CCDC85A: variants seen among roughly 807,000 people sequenced by gnomAD.
The protein encoded by CCDC85A is coiled-coil domain-containing protein 85A.
In CCDC85A, 38 loss-of-function variants were observed where a neutral mutation model predicts 50.2. That is an observed-to-expected ratio of 0.76 (90% confidence interval 0.58 to 0.99). CCDC85A has a LOEUF of 0.99. CCDC85A is among the 50% of genes least tolerant of loss of function. The pLI, the probability that CCDC85A is intolerant of heterozygous loss-of-function variation, is 0.00. For missense variants in CCDC85A, 820 were observed against 742.0 expected (o/e 1.11, Z -1.22); for synonymous variants, 366 against 301.4 (o/e 1.21, Z -2.22).
At chr2:56,310,800 G>A (rs970790781) in intron 2 of CCDC85A, among the ~76,000 whole-genome samples, 3 of 152,270 alleles carry the variant, frequency 2.0e-5, no homozygotes, top group African/African-American at 4.8e-5. Context: ...AACTGCACGT[G>A]CTTTTCAGAA....
At chr2:56,251,428 C>A (rs556033533) in intron 2 of CCDC85A, among the ~76,000 whole-genome samples, 2 of 152,144 alleles carry the variant, frequency 1.3e-5, no homozygotes, top group Non-Finnish European at 2.9e-5. Context: ...AGTGGCCTTG[C>A]CAGTTTGGTT....
intron 2 of CCDC85A, among the ~76,000 whole-genome samples, chr2:56,277,004 T>A (rs1670978458): frequency 6.6e-6 from 1 of 152,148 alleles, no homozygotes; most frequent in Admixed American, 6.5e-5. Context: ...AGTCTCCCAA[T>A]CCTCCAAGAA....
chr2:56,222,686 C>T (rs1458029164), intron 2 of CCDC85A, among the ~76,000 whole-genome samples: 1 of 152,072 alleles, frequency 6.6e-6, no homozygotes, highest in African/African-American at 2.4e-5. Flanking sequence ...CACGTTTTCC[C>T]ACCCGTTGAT....
intron 2 of CCDC85A, among the ~76,000 whole-genome samples, chr2:56,251,646 A>G (rs1669761170): frequency 6.7e-6 from 1 of 150,322 alleles, no homozygotes; most frequent in African/African-American, 2.5e-5. Context: ...CTTCTTCTTT[A>G]CCTGCTCTGC....
chr2:56,247,924 A>G (rs912243066), intron 2 of CCDC85A, among the ~76,000 whole-genome samples: 1 of 152,222 alleles, frequency 6.6e-6, no homozygotes, highest in Admixed American at 6.5e-5. Context: ...GAGAGGCCCA[A>G]GCCATTCAGA....
chr2:56,194,660 G>A (rs1269493100), intron 2 of CCDC85A, among the ~76,000 whole-genome samples: 1 of 152,150 alleles, frequency 6.6e-6, no homozygotes, highest in African/African-American at 2.4e-5. Context: ...CCAGAAACTT[G>A]ACTTCAAATG....
chr2:56,302,562 G>A (rs1454234893), intron 2 of CCDC85A, among the ~76,000 whole-genome samples: 1 of 152,178 alleles, frequency 6.6e-6, no homozygotes, highest in African/African-American at 2.4e-5. Context: ...ATTATAGGAG[G>A]AAAACCATTT....
At chr2:56,330,964 A>T (rs1052818567) in intron 2 of CCDC85A, among the ~76,000 whole-genome samples, 3 of 152,124 alleles carry the variant, frequency 2.0e-5, no homozygotes, top group East Asian at 3.9e-4. Context: ...ATAGATATGG[A>T]ATCAACCTAA....
intron 2 of CCDC85A, among the ~76,000 whole-genome samples, chr2:56,287,449 C>A (rs899975291): frequency 6.6e-6 from 1 of 152,194 alleles, no homozygotes; most frequent in Non-Finnish European, 1.5e-5. Context: ...CTTCTCTCAA[C>A]AATTACTATC....
At chr2:56,211,687 A>T (rs1677184070) in intron 2 of CCDC85A, among the ~76,000 whole-genome samples, 1 of 152,004 alleles carries the variant, frequency 6.6e-6, no homozygotes, top group Non-Finnish European at 1.5e-5. Flanking sequence ...ACTCTTCCTT[A>T]TCCATCATCC....
intron 2 of CCDC85A, among the ~76,000 whole-genome samples, chr2:56,198,000 C>G (rs1676595718): frequency 6.8e-6 from 1 of 147,852 alleles, no homozygotes; most frequent in Non-Finnish European, 1.5e-5. Context: ...GTATTTCCCA[C>G]AAGAGAATAT....
In CCDC85A at chr2:56,286,004, T is replaced by TC. The variant is rs541728836; in HGVS notation, c.1241-56868dup. On this transcript the variant is annotated intron_variant, in intron 2 of 5. Transcript: ENST00000407595. ...TGGGTATAGAATTTTGGGTTGACAG[T>TC]CCCCCCCACCCCGACCCCCAACAAT... is the stretch of plus-strand genomic sequence containing the variant. 3.8e-3 allele frequency among the ~76,000 whole-genome samples: 576 copies of TC among 151,730 alleles called. 5 individuals carry two copies. In the South Asian group the frequency reaches 0.053, roughly 14 times the overall value.
chr2:56,323,528 A>G (rs762218828), intron 2 of CCDC85A, among the ~76,000 whole-genome samples: 2 of 152,024 alleles, frequency 1.3e-5, no homozygotes, highest in Non-Finnish European at 2.9e-5. Context: ...GGTTTGAGAA[A>G]GTTCCAAATG....
intron 3 of CCDC85A, among the ~76,000 whole-genome samples, chr2:56,347,914 G>T (rs1674710091): frequency 6.6e-6 from 1 of 152,020 alleles, no homozygotes; most frequent in South Asian, 2.1e-4. Flanking sequence ...TGTGCAGTGA[G>T]GCCTATTCAA....
At chr2:56,270,469 A>G (rs764909455) in intron 2 of CCDC85A, among the ~76,000 whole-genome samples, 1 of 152,202 alleles carries the variant, frequency 6.6e-6, no homozygotes, top group African/African-American at 2.4e-5. Context: ...TCACATTTTC[A>G]TTTAAACACC....
intron 2 of CCDC85A, among the ~76,000 whole-genome samples, chr2:56,244,028 C>T (rs1261659607): frequency 6.6e-6 from 1 of 152,172 alleles, no homozygotes; most frequent in African/African-American, 2.4e-5. Context: ...CTAAAGCCAG[C>T]ACAGTACTGG....
At chr2:56,325,427 A>T (rs577096223) in intron 2 of CCDC85A, among the ~76,000 whole-genome samples, 1 of 152,268 alleles carries the variant, frequency 6.6e-6, no homozygotes, top group Admixed American at 6.5e-5. Flanking sequence ...AAATTAGTGC[A>T]TTGAGATATT....
At chr2:56,364,512 C>G (rs1343607977) in intron 3 of CCDC85A, among the ~76,000 whole-genome samples, 1 of 152,146 alleles carries the variant, frequency 6.6e-6, no homozygotes, top group Non-Finnish European at 1.5e-5. Flanking sequence ...TTTGCAAACT[C>G]TCTTATTTCA....
intron 3 of CCDC85A, among the ~76,000 whole-genome samples, chr2:56,359,097 C>A (rs1036140161): frequency 3.3e-5 from 5 of 151,740 alleles, no homozygotes; most frequent in Admixed American, 2.6e-4. Flanking sequence ...AGTATGTTTT[C>A]ATTTGTACAT....
Sources: gnomAD v4.1 joint callset for allele counts (sites outside exome capture counted in the v4.1 genomes callset) on GRCh38, gnomAD v4.1.1 for gene constraint, MANE v1.5 for transcripts, NCBI Gene and HGNC (gene_info 2026-07-23, HGNC 2026-07-21) for gene names.